Variants in FHIT observed in about 807,000 individuals in gnomAD.
The protein encoded by FHIT is fragile histidine triad diadenosine triphosphatase, also known as bis(5'-adenosyl)-triphosphatase.
Under a neutral mutation model 17.9 loss-of-function variants are expected in FHIT, and 19 were observed. The ratio of observed to expected loss-of-function variants is 1.06; its 90% CI spans 0.74 to 1.56. The LOEUF (loss-of-function observed/expected upper bound fraction) is 1.56, where lower values mean the gene tolerates loss of function less well. Among genes scored for constraint, FHIT ranks in the 40% most tolerant of loss-of-function variants. The pLI is 0.00. For missense variants in FHIT, 248 were observed against 189.2 expected, an observed-to-expected ratio of 1.31 and a Z score of -1.82; for synonymous variants, 81 against 69.7, an observed-to-expected ratio of 1.16 and a Z score of -0.81.
At chr3:60,180,188 C>T (rs747969678) in intron 5 of FHIT, among the ~76,000 whole-genome samples, 2 of 152,080 alleles carry the variant, frequency 1.3e-5, no homozygotes, top group Non-Finnish European at 2.9e-5. Flanking sequence ...TGAGATAATG[C>T]TGAAGTGATT....
At chr3:61,210,712 T>G (rs1294168075) in intron 1 of FHIT, among the ~76,000 whole-genome samples, 5 of 152,096 alleles carry the variant, frequency 3.3e-5, no homozygotes, top group African/African-American at 1.2e-4. Flanking sequence ...GTCACCCCTC[T>G]CTTTTACTAG....
intron 8 of FHIT, among the ~76,000 whole-genome samples, chr3:59,898,486 C>A (rs9311739): frequency 0.23 from 35,237 of 151,498 alleles, 6,722 homozygotes; most frequent in African/African-American, 0.53. Context: ...ATTTGGTAGA[C>A]ACTGCTTACC....
At chr3:60,727,897 G>A (rs929732525) in intron 4 of FHIT, among the ~76,000 whole-genome samples, 18 of 152,118 alleles carry the variant, frequency 1.2e-4, no homozygotes, top group Non-Finnish European at 1.9e-4. Flanking sequence ...CCAGCTAATC[G>A]GGAGGCTGAG....
At chr3:60,733,006 T>G (rs549714189) in intron 4 of FHIT, among the ~76,000 whole-genome samples, 14 of 152,284 alleles carry the variant, frequency 9.2e-5, no homozygotes, top group African/African-American at 3.1e-4. Context: ...TGAAATGCAC[T>G]ATTTCCCCAT....
At chr3:60,446,751 G>A (rs2107352163) in intron 5 of FHIT, among the ~76,000 whole-genome samples, 1 of 151,956 alleles carries the variant, frequency 6.6e-6, no homozygotes, top group South Asian at 2.1e-4. Flanking sequence ...TATTCAGGAG[G>A]CTGAGGTGGG....
At chr3:60,451,882 T>C (rs531847195) in intron 5 of FHIT, among the ~76,000 whole-genome samples, 89 of 152,214 alleles carry the variant, frequency 5.8e-4, no homozygotes, top group African/African-American at 2.0e-3. Context: ...ACTATGAAGA[T>C]GACTTAAAGA....
At chr3:60,216,475 T>C (rs771796521) in intron 5 of FHIT, among the ~76,000 whole-genome samples, 4 of 152,194 alleles carry the variant, frequency 2.6e-5, no homozygotes, top group Non-Finnish European at 5.9e-5. Flanking sequence ...TCATGTTCTA[T>C]TTCTTCACTG....
intron 5 of FHIT, among the ~76,000 whole-genome samples, chr3:60,228,151 C>T (rs1235077131): frequency 1.3e-5 from 2 of 152,086 alleles, no homozygotes; most frequent in African/African-American, 4.8e-5. Flanking sequence ...TCCCACTGTA[C>T]GGCAGACCTT....
At chr3:59,999,248 T>C (rs1699634831) in intron 7 of FHIT, among the ~76,000 whole-genome samples, 1 of 152,034 alleles carries the variant, frequency 6.6e-6, no homozygotes, top group South Asian at 2.1e-4. Context: ...TACTTTACTG[T>C]GAAAAACTAG....
At chr3:60,036,859 T>A (rs212061) in intron 5 of FHIT, among the ~76,000 whole-genome samples, 1 of 151,978 alleles carries the variant, frequency 6.6e-6, no homozygotes, top group Non-Finnish European at 1.5e-5. Flanking sequence ...GCAATAAAAT[T>A]TCCGTTAATT....
At chr3:60,453,817 A>G (rs115532712) in intron 5 of FHIT, among the ~76,000 whole-genome samples, 2,776 of 152,312 alleles carry the variant, frequency 0.018, 89 homozygotes, top group African/African-American at 0.062. Context: ...TTGTATTATC[A>G]TAAGTGTCAC....
chr3:60,415,358 T>C (rs1029631227), intron 5 of FHIT, among the ~76,000 whole-genome samples: 1 of 152,172 alleles, frequency 6.6e-6, no homozygotes, highest in African/African-American at 2.4e-5. Flanking sequence ...AGAGCCAGAA[T>C]GTAAACTGAG....
At chr3:59,810,078 C>T (rs1027327246) in intron 8 of FHIT, among the ~76,000 whole-genome samples, 18 of 152,254 alleles carry the variant, frequency 1.2e-4, no homozygotes, top group African/African-American at 4.3e-4. Flanking sequence ...AGATGCTGGT[C>T]TGCTTTAGGT....
At position 61,012,967 on chromosome 3, in the gene FHIT, T is replaced by C. The variant is rs1165837371; in HGVS notation, c.-111+29080A>G. Among the ~76,000 whole-genome samples the C allele has an allele frequency of 2.0e-5, 3 of 152,038 alleles. No homozygotes were observed. In the East Asian group the frequency reaches 5.8e-4, roughly 29 times the overall value. On this transcript the variant is annotated intron_variant, in intron 3 of 9. Coordinates refer to ENST00000492590, the MANE Select transcript of FHIT (RefSeq NM_002012.4). ...CAATTTTCAATGAATAAAGAATTTG[T>C]TTTTATATTGTTAAATTGACAATAG...
intron 7 of FHIT, among the ~76,000 whole-genome samples, chr3:59,924,016 G>A (rs910657702): frequency 6.6e-6 from 1 of 152,174 alleles, no homozygotes; most frequent in Non-Finnish European, 1.5e-5. Flanking sequence ...CAGTCACAAA[G>A]ATTACGTGAG....
intron 3 of FHIT, among the ~76,000 whole-genome samples, chr3:60,991,588 T>A (rs2030221688): frequency 6.6e-6 from 1 of 152,116 alleles, no homozygotes; most frequent in Non-Finnish European, 1.5e-5. Context: ...AAGAACATAG[T>A]GCTAGTCAGA....
At chr3:60,649,805 A>G (rs781977779) in intron 4 of FHIT, among the ~76,000 whole-genome samples, 5 of 152,182 alleles carry the variant, frequency 3.3e-5, no homozygotes, top group Non-Finnish European at 5.9e-5. Context: ...CTGGAAAAAA[A>G]AACCCAGCAA....
In FHIT at chr3:60,219,112, C is replaced by G. The variant is rs549656311; in HGVS notation, c.104-204960G>C. ...TTTATTTACCCAGGGTCTATCTACC[C>G]ACATTACTCTCATTTTGTTCACAAA... is the stretch of plus-strand genomic sequence containing the variant. On this transcript the variant is annotated intron_variant, in intron 5 of 9. Coordinates refer to ENST00000492590, the MANE Select transcript of FHIT (RefSeq NM_002012.4). Among the ~76,000 whole-genome samples, 8 of 152,144 alleles carry G rather than the reference C, an allele frequency of 5.3e-5. No individual in the cohort carries two copies. In the South Asian group the frequency reaches 1.7e-3, roughly 31 times the overall value.
intron 5 of FHIT, among the ~76,000 whole-genome samples, chr3:60,259,136 T>C (rs889230935): frequency 3.9e-5 from 6 of 151,960 alleles, no homozygotes; most frequent in Non-Finnish European, 5.9e-5. Flanking sequence ...ACCAAAGTTA[T>C]AGCCGTCAAA....
Sources: gnomAD v4.1 joint callset for allele counts (sites outside exome capture counted in the v4.1 genomes callset) on GRCh38, gnomAD v4.1.1 for gene constraint, MANE v1.5 for transcripts, NCBI Gene and HGNC (gene_info 2026-07-23, HGNC 2026-07-21) for gene names.